LANCL3: variants seen among roughly 807,000 people sequenced by gnomAD.
LANCL3 encodes LanC like family member 3.
Under a neutral mutation model 26.5 loss-of-function variants are expected in LANCL3, and 19 were observed. The ratio of observed to expected loss-of-function variants is 0.72; its 90% CI spans 0.50 to 1.05. The LOEUF (loss-of-function observed/expected upper bound fraction) is 1.05. LANCL3 is among the 50% of genes least tolerant of loss of function. The pLI is 0.00. For synonymous variants in LANCL3, 160 were observed against 166.6 expected, an observed-to-expected ratio of 0.96 and a Z score of 0.30; for missense variants, 318 against 362.7, an observed-to-expected ratio of 0.88 and a Z score of 1.00.
rs1178808550 is a variant in LANCL3 at position 37,679,228 on chromosome X, T to C, written c.*3415T>C. On this transcript the variant is annotated 3_prime_UTR_variant, in exon 5 of 5. Coordinates refer to ENST00000378619, the MANE Select transcript of LANCL3 (RefSeq NM_001170331.2). ...TGTTATATTTTACCCACTATATACA[T>C]AGAAAAATCATGCCCAGTTATGACT... 8.9e-6 allele frequency: 1 copy of C among 112,088 alleles called. No homozygotes were observed. The highest frequency in any genetic ancestry group is 2.8e-4 in the East Asian group (1 of 3,604). 9.2% of individuals were successfully genotyped at this position (112,088 alleles called of 1,213,427 possible). A position where few individuals can be genotyped will look rare whatever the true frequency, so the allele number is the denominator to read the frequency against.
intron 1 of LANCL3, among the ~76,000 whole-genome samples, chrX:37,600,574 T>C (rs1279737496): frequency 8.9e-6 from 1 of 112,281 alleles, no homozygotes; most frequent in African/African-American, 3.2e-5. Context: ...ACAGGCAACA[T>C]CTGTAGCCCT....
intron 1 of LANCL3, among the ~76,000 whole-genome samples, chrX:37,636,745 C>G (rs1925717182): frequency 9.0e-6 from 1 of 111,720 alleles, no homozygotes; most frequent in South Asian, 3.7e-4. Flanking sequence ...ATGGGGGGTG[C>G]CTAGAAGCCA....
At chrX:37,671,943 T>C (rs1556436262) in intron 4 of LANCL3, among the ~76,000 whole-genome samples, 2 of 111,352 alleles carry the variant, frequency 1.8e-5, no homozygotes, top group Non-Finnish European at 3.8e-5. Context: ...ACCTGTTGTT[T>C]CCCAAATATA....
chrX:37,631,415 T>C (rs782490502), intron 1 of LANCL3, among the ~76,000 whole-genome samples: 3 of 111,837 alleles, frequency 2.7e-5, no homozygotes, highest in Non-Finnish European at 5.6e-5. Flanking sequence ...CCTGGATTCA[T>C]TGATTTTTTG....
intron 1 of LANCL3, among the ~76,000 whole-genome samples, chrX:37,589,746 C>T (rs1241227945): frequency 9.0e-6 from 1 of 111,528 alleles, no homozygotes; most frequent in Admixed American, 9.4e-5. Context: ...CATATGTATT[C>T]TTTTGGATGT....
At chrX:37,648,257 C>G (rs1218235089) in intron 1 of LANCL3, among the ~76,000 whole-genome samples, 1 of 112,298 alleles carries the variant, frequency 8.9e-6, no homozygotes, top group South Asian at 3.7e-4. Flanking sequence ...TTTGTATACT[C>G]CAGATATACA....
intron 1 of LANCL3, among the ~76,000 whole-genome samples, chrX:37,576,237 G>A (rs1429585206): frequency 8.9e-6 from 1 of 111,936 alleles, no homozygotes; most frequent in Non-Finnish European, 1.9e-5. Flanking sequence ...AGATGTATGT[G>A]TATGTGGCAA....
intron 1 of LANCL3, among the ~76,000 whole-genome samples, chrX:37,637,674 T>C (rs2146763209): frequency 8.9e-6 from 1 of 112,172 alleles, no homozygotes; most frequent in Admixed American, 9.4e-5. Flanking sequence ...TTCAGACTTT[T>C]TGTTACATGA....
chrX:37,584,377 A>C (rs782478509), intron 1 of LANCL3, among the ~76,000 whole-genome samples: 1 of 109,069 alleles, frequency 9.2e-6, no homozygotes, highest in South Asian at 4.0e-4. Context: ...TGATTGGAAT[A>C]GTTTCAGAAG....
In LANCL3 at chrX:37,680,025, C is replaced by T. The variant is rs928841485; in HGVS notation, c.*4212C>T. Reference sequence around the variant, plus strand: ...TCTGCTCTATCATGTGACCTCCTTTCGCCTGGGAGGGCAGATTTTCTCCTT... The same window carrying T: ...TCTGCTCTATCATGTGACCTCCTTTTGCCTGGGAGGGCAGATTTTCTCCTT... On this transcript the variant is annotated 3_prime_UTR_variant, in exon 5 of 5. Transcript: ENST00000378619. 5.4e-5 allele frequency: 6 copies of T among 111,450 alleles called. No individual in the cohort carries two copies. Among genetic ancestry groups the T allele is most frequent in the African/African-American group, 1.6e-4 (5 of 30,581 alleles). The allele number at this position is 111,450 out of a possible 1,213,427, so 9.2% of individuals were successfully genotyped here. A position where few individuals can be genotyped will look rare whatever the true frequency, so the allele number is the denominator to read the frequency against.
At chrX:37,598,452 A>G (rs1924495821) in intron 1 of LANCL3, among the ~76,000 whole-genome samples, 1 of 112,008 alleles carries the variant, frequency 8.9e-6, no homozygotes, top group Non-Finnish European at 1.9e-5. Context: ...GCACTCTGAT[A>G]TGCAGTATCT....
intron 1 of LANCL3, among the ~76,000 whole-genome samples, chrX:37,617,092 A>G (rs1012370891): frequency 3.2e-5 from 3 of 92,966 alleles, no homozygotes; most frequent in Non-Finnish European, 6.2e-5. Flanking sequence ...ACACTCACAC[A>G]TGTGACTATA....
intron 1 of LANCL3, among the ~76,000 whole-genome samples, chrX:37,586,506 T>G (rs1162020685): frequency 1.2e-4 from 13 of 111,476 alleles, no homozygotes; most frequent in Non-Finnish European, 1.7e-4. Flanking sequence ...CTTTTTATTC[T>G]TTTTTCTCTA....
intron 3 of LANCL3, among the ~76,000 whole-genome samples, chrX:37,663,655 C>T (rs1157547439): frequency 9.0e-6 from 1 of 111,355 alleles, no homozygotes; most frequent in Admixed American, 9.5e-5. Flanking sequence ...ATTCACTCTG[C>T]CACAGAATGA....
At chrX:37,613,769 C>G (rs951239762) in intron 1 of LANCL3, among the ~76,000 whole-genome samples, 6 of 112,524 alleles carry the variant, frequency 5.3e-5, no homozygotes, top group Non-Finnish European at 9.4e-5. Flanking sequence ...TTAGTCCATT[C>G]TACTCACATG....
intron 1 of LANCL3, among the ~76,000 whole-genome samples, chrX:37,598,933 C>G (rs192727494): frequency 1.5e-4 from 17 of 112,471 alleles, no homozygotes; most frequent in Admixed American, 7.5e-4. Flanking sequence ...CTACTGCCTC[C>G]TGGCCGATGG....
chrX:37,634,530 G>A (rs1341434861), intron 1 of LANCL3, among the ~76,000 whole-genome samples: 3 of 112,655 alleles, frequency 2.7e-5, no homozygotes, highest in Non-Finnish European at 3.7e-5. Context: ...CCCATCTTCT[G>A]CGTCGCTCGC....
At chrX:37,671,612 G>GTACCTTGTA (rs1926686146) in intron 4 of LANCL3, among the ~76,000 whole-genome samples, 1 of 110,153 alleles carries the variant, frequency 9.1e-6, no homozygotes, top group Non-Finnish European at 1.9e-5. Context: ...ATTCCATTAG[G>GTACCTTGTA]ATGCCAGGTA....
intron 1 of LANCL3, among the ~76,000 whole-genome samples, chrX:37,620,936 T>C (rs1194431817): frequency 1.8e-5 from 2 of 111,545 alleles, no homozygotes; most frequent in African/African-American, 6.5e-5. Flanking sequence ...CACCATCGCA[T>C]GCATGCTCCT....
Sources: gnomAD v4.1 joint callset for allele counts (sites outside exome capture counted in the v4.1 genomes callset) on GRCh38, gnomAD v4.1.1 for gene constraint, MANE v1.5 for transcripts, NCBI Gene and HGNC (gene_info 2026-07-23, HGNC 2026-07-21) for gene names.